DMD: variants seen among roughly 807,000 people sequenced by gnomAD.
DMD encodes dystrophin, also known as mutant dystrophin.
Under a neutral mutation model 330.1 loss-of-function variants are expected in DMD, and 63 were observed. The ratio of observed to expected loss-of-function variants is 0.19; its 90% confidence interval spans 0.16 to 0.24. The LOEUF is 0.24. DMD is among the 10% of genes least tolerant of loss of function. The pLI is 1.00. For synonymous variants in DMD, 1,223 were observed against 959.8 expected (o/e 1.27, Z -5.07); for missense variants, 3,344 against 2,684.1 (o/e 1.25, Z -5.43).
intron 47 of DMD, among the ~76,000 whole-genome samples, chrX:31,900,103 T>C (rs886422748): frequency 2.7e-5 from 3 of 111,850 alleles, no homozygotes. Flanking sequence ...TGGATTTTAG[T>C]TTTGGGGGGA....
intron 1 of DMD, among the ~76,000 whole-genome samples, chrX:33,266,582 G>C (rs2053044961): frequency 2.7e-5 from 1 of 36,734 alleles, no homozygotes; most frequent in Non-Finnish European, 9.1e-5. Flanking sequence ...TTAGAAGAAA[G>C]TCTTGGATTT....
intron 43 of DMD, among the ~76,000 whole-genome samples, chrX:32,277,760 T>C (rs886158984): frequency 1.4e-4 from 15 of 110,881 alleles, no homozygotes; most frequent in African/African-American, 4.6e-4. Context: ...GAAAAATGTC[T>C]TCAAAAAATG....
At chrX:32,659,204 G>A (rs1327681998) in intron 9 of DMD, among the ~76,000 whole-genome samples, 1 of 111,909 alleles carries the variant, frequency 8.9e-6, no homozygotes, top group Non-Finnish European at 1.9e-5. Flanking sequence ...AAGGACATTA[G>A]CTATATTCAC....
At chrX:32,403,821 C>T (rs1226590319) in intron 30 of DMD, among the ~76,000 whole-genome samples, 2 of 111,965 alleles carry the variant, frequency 1.8e-5, no homozygotes, top group African/African-American at 6.5e-5. Context: ...GAACCCAAAT[C>T]TCTGGGTTAG....
chrX:32,866,057 T>G (rs1451226393), intron 2 of DMD, among the ~76,000 whole-genome samples: 1 of 112,514 alleles, frequency 8.9e-6, no homozygotes, highest in East Asian at 2.8e-4. Context: ...GCTTGAACAC[T>G]TTTGCTCTCT....
At chrX:32,139,351 A>T (rs902386949) in intron 44 of DMD, among the ~76,000 whole-genome samples, 21 of 112,460 alleles carry the variant, frequency 1.9e-4, no homozygotes, top group African/African-American at 5.5e-4. Flanking sequence ...GGATTATTAT[A>T]GTTAGGGAGG....
chrX:31,707,734 A>G (rs765570234), intron 52 of DMD, among the ~76,000 whole-genome samples: 2 of 111,912 alleles, frequency 1.8e-5, no homozygotes, highest in South Asian at 7.5e-4. Context: ...GCCTTTATCT[A>G]ACTGTCTGAC....
chrX:31,364,135 A>G (rs953693416), intron 60 of DMD, among the ~76,000 whole-genome samples: 1 of 112,702 alleles, frequency 8.9e-6, no homozygotes, highest in African/African-American at 3.2e-5. Context: ...GAAGATCTGC[A>G]TTGTGATCTG....
At chrX:32,630,175 T>C (rs1023387676) in intron 11 of DMD, among the ~76,000 whole-genome samples, 10 of 111,830 alleles carry the variant, frequency 8.9e-5, no homozygotes, top group Admixed American at 2.8e-4. Flanking sequence ...CATTTCTCCT[T>C]CAAGTATGAA....
chrX:31,203,893 G>A, intron 67 of DMD, 68 bp downstream of exon 67: 2 of 1,025,315 alleles, frequency 2.0e-6, no homozygotes, highest in Non-Finnish European at 2.7e-6. Context: ...ACGAAGCTCT[G>A]TGGGTTTTTT....
At chrX:31,169,355 G>T in intron 74 of DMD, 88 bp downstream of exon 74, 2 of 652,906 alleles carry the variant, frequency 3.1e-6, no homozygotes, top group South Asian at 4.9e-5. Context: ...GACATAAAAT[G>T]ACTCTAAGTG....
intron 2 of DMD, among the ~76,000 whole-genome samples, chrX:32,967,510 T>C (rs2092208057): frequency 9.0e-6 from 1 of 111,713 alleles, no homozygotes; most frequent in Non-Finnish European, 1.9e-5. Context: ...ATCATCCAAT[T>C]CTCATCTATT....
intron 67 of DMD, among the ~76,000 whole-genome samples, chrX:31,184,760 T>C (rs111790631): frequency 3.4e-5 from 3 of 87,453 alleles, no homozygotes; most frequent in African/African-American, 1.5e-4. Context: ...GTGGCACATA[T>C]ACACCATGGA....
intron 56 of DMD, among the ~76,000 whole-genome samples, chrX:31,497,904 T>C (rs140529160): frequency 1.4e-3 from 152 of 112,269 alleles, no homozygotes; most frequent in African/African-American, 4.7e-3. Context: ...ATAAATATAA[T>C]AAAGACTTTA....
Position 32,526,202 on chromosome X carries a change from A to T in DMD, c.2169-8071T>A, listed in dbSNP as rs771626474. Among the ~76,000 whole-genome samples the T allele has an allele frequency of 3.6e-5, 4 of 112,118 alleles. No individual in the cohort carries two copies. The East Asian group carries it at 8.4e-4, about 24-fold the overall frequency. On this transcript the variant is annotated intron_variant, in intron 17 of 78. Coordinates refer to ENST00000357033, the MANE Select transcript of DMD (RefSeq NM_004006.3). ...AGCTTAAAATCTCCTTTAGCTAATA[A>T]AAAAATAACTTCTCATTCTCTGTTC...
intron 62 of DMD, among the ~76,000 whole-genome samples, chrX:31,302,535 G>C (rs2054729233): frequency 9.1e-6 from 1 of 110,409 alleles, no homozygotes; most frequent in Admixed American, 9.7e-5. Flanking sequence ...ATTAAAAGCA[G>C]TAACAGAAAA....
chrX:31,903,826 T>A (rs1285493383), intron 47 of DMD, among the ~76,000 whole-genome samples: 3 of 111,951 alleles, frequency 2.7e-5, no homozygotes, highest in African/African-American at 9.7e-5. Context: ...AGAAAGAACA[T>A]TACTTCAATA....
chrX:32,904,401 G>A (rs1238806074), intron 2 of DMD, among the ~76,000 whole-genome samples: 1 of 111,214 alleles, frequency 9.0e-6, no homozygotes, highest in Non-Finnish European at 1.9e-5. Context: ...AAGAAGAGGT[G>A]TAGTAGAGAG....
chrX:31,830,508 C>T (rs373439392), intron 49 of DMD, among the ~76,000 whole-genome samples: 12 of 111,975 alleles, frequency 1.1e-4, no homozygotes, highest in Admixed American at 1.9e-4. Context: ...GCAGGAGAAT[C>T]GCTTGAACCT....
Sources: allele counts gnomAD v4.1 joint callset (sites outside exome capture counted in the v4.1 genomes callset), GRCh38; gene constraint gnomAD v4.1.1; transcripts MANE v1.5; gene names NCBI Gene and HGNC (gene_info 2026-07-23, HGNC 2026-07-21).